Variants in VWC2L observed in about 807,000 individuals in gnomAD.
The protein encoded by VWC2L is von Willebrand factor C domain-containing protein 2-like.
A neutral mutation model predicts 21.6 loss-of-function variants in VWC2L; 10 were observed. That is an observed-to-expected ratio of 0.46 (90% confidence interval 0.29 to 0.78). The LOEUF is 0.78. Among genes scored for constraint, VWC2L ranks in the 30% least tolerant of loss-of-function variants. The probability of loss-of-function intolerance (pLI) is 0.10; values close to 1 mark genes in which losing one functional copy is unlikely to be tolerated. For synonymous variants in VWC2L, 96 were observed against 94.3 expected, an observed-to-expected ratio of 1.02 and a Z score of -0.10; for missense variants, 209 against 277.1, an observed-to-expected ratio of 0.75 and a Z score of 1.74.
At chr2:214,564,989 A>G (rs1690039950) in intron 3 of VWC2L, among the ~76,000 whole-genome samples, 1 of 152,118 alleles carries the variant, frequency 6.6e-6, no homozygotes, top group Admixed American at 6.6e-5. Context: ...AATATGCACC[A>G]AAGTTTGTCT....
chr2:214,449,177 A>T (rs1702916153), intron 3 of VWC2L, among the ~76,000 whole-genome samples: 1 of 152,194 alleles, frequency 6.6e-6, no homozygotes, highest in Admixed American at 6.5e-5. Flanking sequence ...TCATTATGAA[A>T]ATTGTAGAAG....
At chr2:214,421,151 A>G (rs1380934360) in intron 2 of VWC2L, among the ~76,000 whole-genome samples, 2 of 152,238 alleles carry the variant, frequency 1.3e-5, no homozygotes, top group Admixed American at 1.3e-4. Flanking sequence ...TGCACCCACA[A>G]AAGTACACTA....
chr2:214,450,363 C>T (rs138771767), intron 3 of VWC2L, among the ~76,000 whole-genome samples: 1 of 152,282 alleles, frequency 6.6e-6, no homozygotes, highest in East Asian at 1.9e-4. Context: ...CAACCCATCA[C>T]TATGGTGACC....
At chr2:214,411,889 C>T (rs922574251) in intron 1 of VWC2L, 103 bp downstream of exon 1, 1 of 151,908 alleles carries the variant, frequency 6.6e-6, no homozygotes, top group African/African-American at 2.4e-5. Context: ...GAAAATTAAG[C>T]TGGGAAGTGA....
At chr2:214,504,568 C>A (rs1299947617) in intron 3 of VWC2L, among the ~76,000 whole-genome samples, 1 of 152,112 alleles carries the variant, frequency 6.6e-6, no homozygotes, top group Non-Finnish European at 1.5e-5. Flanking sequence ...GAATAACCAC[C>A]AAAGGATTTG....
intron 2 of VWC2L, among the ~76,000 whole-genome samples, chr2:214,432,650 T>G (rs1702616928): frequency 6.6e-6 from 1 of 152,244 alleles, no homozygotes; most frequent in African/African-American, 2.4e-5. Flanking sequence ...TTTTGCTCTA[T>G]TAACTATACT....
intron 2 of VWC2L, among the ~76,000 whole-genome samples, chr2:214,430,818 G>T (rs1342312691): frequency 6.6e-6 from 1 of 152,120 alleles, no homozygotes; most frequent in Non-Finnish European, 1.5e-5. Context: ...AACTGAGATG[G>T]TTATTTTAAA....
intron 3 of VWC2L, among the ~76,000 whole-genome samples, chr2:214,491,382 G>A (rs187327066): frequency 1.3e-3 from 194 of 152,250 alleles, no homozygotes; most frequent in Non-Finnish European, 2.2e-3. Context: ...CGCAGAGCAC[G>A]AGCAATGGGT....
intron 3 of VWC2L, among the ~76,000 whole-genome samples, chr2:214,516,135 C>T (rs1449270255): frequency 6.6e-6 from 1 of 152,114 alleles, no homozygotes; most frequent in Non-Finnish European, 1.5e-5. Flanking sequence ...ATACTGATAA[C>T]TTGAAATTAG....
chr2:214,517,025 C>A (rs1689154640), intron 3 of VWC2L, among the ~76,000 whole-genome samples: 1 of 152,220 alleles, frequency 6.6e-6, no homozygotes, highest in Non-Finnish European at 1.5e-5. Flanking sequence ...CTCTCCCCTG[C>A]ATCATCAATG....
At chr2:214,510,010 A>G (rs537476522) in intron 3 of VWC2L, among the ~76,000 whole-genome samples, 1 of 152,368 alleles carries the variant, frequency 6.6e-6, no homozygotes, top group East Asian at 1.9e-4. Flanking sequence ...AACTAGTAAA[A>G]TAAGATCCCA....
intron 3 of VWC2L, among the ~76,000 whole-genome samples, chr2:214,573,597 AG>A (rs969450494): frequency 6.6e-6 from 1 of 152,046 alleles, no homozygotes; most frequent in Non-Finnish European, 1.5e-5. Context: ...GGGCTGAGAG[AG>A]GTCTGTCAAC....
intron 2 of VWC2L, among the ~76,000 whole-genome samples, chr2:214,418,853 T>G (rs1393069759): frequency 6.6e-6 from 1 of 152,250 alleles, no homozygotes; most frequent in Non-Finnish European, 1.5e-5. Flanking sequence ...ATGATAAGAC[T>G]GCCTATTTTC....
intron 3 of VWC2L, among the ~76,000 whole-genome samples, chr2:214,520,219 C>G (rs755213037): frequency 6.6e-6 from 1 of 151,994 alleles, no homozygotes; most frequent in African/African-American, 2.4e-5. Context: ...AGCCCATTCC[C>G]CATATATACT....
intron 3 of VWC2L, among the ~76,000 whole-genome samples, chr2:214,478,235 T>C (rs1268660588): frequency 6.6e-6 from 1 of 152,068 alleles, no homozygotes; most frequent in African/African-American, 2.4e-5. Flanking sequence ...ATAATATCTG[T>C]TGGGAGGCCG....
chr2:214,523,395 G>A (rs901319416), intron 3 of VWC2L, among the ~76,000 whole-genome samples: 4 of 152,096 alleles, frequency 2.6e-5, no homozygotes, highest in Admixed American at 6.5e-5. Context: ...CTAATTTGCT[G>A]GTTGTTCTTT....
At position 214,563,542 on chromosome 2, in the gene VWC2L, G is replaced by A. The variant is rs535685497; in HGVS notation, c.521-12130G>A. On this transcript the variant is annotated intron_variant, in intron 3 of 3. Transcript: ENST00000312504. The stretch of plus-strand genomic sequence containing the variant: ...AGCCTGGGTGACACAGCAAGACTCC[G>A]TCTCAAAAAAAAAAAAAAAAAAAAA... 2.7e-3 allele frequency among the ~76,000 whole-genome samples: 151 copies of A among 55,242 alleles called. 3 individuals carry two copies. The highest frequency in any genetic ancestry group is 0.012 in the African/African-American group (136 of 11,442). The allele number at this position is 55,242 out of a possible 152,430, so 36.2% of individuals were successfully genotyped here. A position where few individuals can be genotyped will look rare whatever the true frequency, so the allele number is the denominator to read the frequency against.
At chr2:214,478,707 G>T (rs1052161273) in intron 3 of VWC2L, among the ~76,000 whole-genome samples, 1 of 152,018 alleles carries the variant, frequency 6.6e-6, no homozygotes, top group Admixed American at 6.6e-5. Flanking sequence ...TCCCTCTGTC[G>T]CATAGCCCAC....
chr2:214,482,052 A>G (rs1436077656), intron 3 of VWC2L, among the ~76,000 whole-genome samples: 3 of 152,200 alleles, frequency 2.0e-5, no homozygotes, highest in African/African-American at 4.8e-5. Context: ...AGACAGTATC[A>G]TGATCTGGGA....
Sources: gnomAD v4.1 joint callset for allele counts (sites outside exome capture counted in the v4.1 genomes callset) on GRCh38, gnomAD v4.1.1 for gene constraint, MANE v1.5 for transcripts, NCBI Gene and HGNC (gene_info 2026-07-23, HGNC 2026-07-21) for gene names.